NISCH: variants seen among roughly 807,000 people sequenced by gnomAD.
NISCH encodes I-1 receptor candidate protein.
In NISCH, 55 loss-of-function variants were observed where a neutral mutation model predicts 138.4. The observed-to-expected ratio is 0.40, with a 90% confidence interval of 0.32 to 0.50. The LOEUF (loss-of-function observed/expected upper bound fraction) is 0.50. Among genes scored for constraint, NISCH ranks in the 20% least tolerant of loss-of-function variants. The pLI, the probability that NISCH is intolerant of heterozygous loss-of-function variation, is 0.71. For synonymous variants in NISCH, 860 were observed against 861.5 expected, an observed-to-expected ratio of 1.00 and a Z score of 0.03; for missense variants, 1,643 against 2,005.5, an observed-to-expected ratio of 0.82 and a Z score of 3.45.
At chr3:52,471,313 T>A (rs1706938973) in intron 4 of NISCH, 1 of 285,102 alleles carries the variant, frequency 3.5e-6, no homozygotes, top group African/African-American at 2.2e-5. Flanking sequence ...TAGGGAAGGA[T>A]ACGGGGTCAG....
intron 14 of NISCH, among the ~76,000 whole-genome samples, chr3:52,485,340 TCA>T (rs1466417242): frequency 6.6e-6 from 1 of 152,182 alleles, no homozygotes; most frequent in East Asian, 1.9e-4. Context: ...CTTTCCAGGG[TCA>T]CACAGCAAGA....
At chr3:52,484,462 T>TGGGCCGC in intron 13 of NISCH, 51 bp from the exon 14 acceptor site, 7 of 788,670 alleles carry the variant, frequency 8.9e-6, no homozygotes, top group Non-Finnish European at 1.3e-5. Flanking sequence ...ACAGCCGCTC[T>TGGGCCGC]CCCCGCCCCA....
chr3:52,490,340 C>A, intron 18 of NISCH, 109 bp downstream of exon 18: 2 of 1,290,754 alleles, frequency 1.5e-6, no homozygotes, highest in South Asian at 1.3e-5. Context: ...CAGTCAGCGA[C>A]TTGGCTGCAG....
In NISCH at chr3:52,492,064, G is replaced by C. The variant is rs766728426; in HGVS notation, c.4097G>C (p.Gly1366Ala). Residue 1366 changes from glycine to alanine, a missense_variant, in exon 21 of 21, where the codon GGC (glycine) becomes GCC (alanine). Gly to Ala is a moderately conservative substitution (Grantham distance 60, BLOSUM62 0). Coordinates refer to ENST00000345716, the MANE Select transcript of NISCH (RefSeq NM_007184.4). ...VGMPPPGCCRGPLRPKTLLLT... is the reference protein window; with the variant it reads ...VGMPPPGCCRAPLRPKTLLLT... ...ATGCCACCCCCTGGGTGCTGCAGGG[G>C]CCCCCTGCGCCCCAAGACACTCCTG... 6.2e-7 allele frequency: 1 copy of C among 1,612,970 alleles called. No homozygotes were observed. Among genetic ancestry groups the C allele is most frequent in the African/African-American group, 1.3e-5 (1 of 75,054 alleles).
intron 18 of NISCH, 141 bp from the exon 19 acceptor site, chr3:52,490,564 C>T (rs1397896304): frequency 9.3e-6 from 11 of 1,188,324 alleles, no homozygotes; most frequent in Admixed American, 8.0e-5. Context: ...GCTCCGACTC[C>T]AGAGGGCATT....
chr3:52,464,483 A>G (rs1437079101), intron 3 of NISCH, among the ~76,000 whole-genome samples: 2 of 150,832 alleles, frequency 1.3e-5, no homozygotes, highest in Admixed American at 6.6e-5. Context: ...ACTTTTAGAA[A>G]CATGCAAATA....
At chr3:52,474,656 T>C (rs576791687) in intron 7 of NISCH, among the ~76,000 whole-genome samples, 2 of 152,248 alleles carry the variant, frequency 1.3e-5, no homozygotes, top group Non-Finnish European at 2.9e-5. Context: ...GATCTCGAAC[T>C]CCTGACCTCA....
In NISCH at chr3:52,481,013, C is replaced by T. The variant is rs1183870415; in HGVS notation, c.1528+718C>T. ...CACGCAGGAAAGGACGCCGCCTGCC[C>T]GGGCTCCTGGAGACGCAGAACTTGG... On this transcript the variant is annotated intron_variant, in intron 13 of 20. Coordinates refer to ENST00000345716, the MANE Select transcript of NISCH (RefSeq NM_007184.4). 1.7e-5 allele frequency: 24 copies of T among 1,395,372 alleles called. No homozygotes were observed. The African/African-American group carries it at 2.5e-4, about 14-fold the overall frequency. The allele number at this position is 1,395,372 out of a possible 1,614,324, so 86.4% of individuals were successfully genotyped here.
At chr3:52,490,681 T>G (rs1489985999) in intron 18 of NISCH, 24 bp from the exon 19 acceptor site, 2 of 1,614,046 alleles carry the variant, frequency 1.2e-6, no homozygotes, top group East Asian at 4.5e-5. Context: ...ACCGCCTCCC[T>G]CTGTCCCTTT....
rs1707245375 is a variant in NISCH at position 52,480,641 on chromosome 3, T to C, written c.1528+346T>C. ...TTCCCTCACCGGCAGCACAAGCAGG[T>C]TGGCTCCTGGTTACAGGAAGCCGGG... On this transcript the variant is annotated intron_variant, in intron 13 of 20. Transcript: ENST00000345716. The C allele has an allele frequency of 3.5e-6, 5 of 1,424,490 alleles. No homozygotes were observed. The South Asian group carries it at 6.3e-5, about 18-fold the overall frequency. 88.2% of individuals were successfully genotyped at this position (1,424,490 alleles called of 1,614,324 possible).
At chr3:52,468,502 G>T (rs1160373422) in intron 3 of NISCH, among the ~76,000 whole-genome samples, 3 of 152,118 alleles carry the variant, frequency 2.0e-5, no homozygotes, top group Admixed American at 2.0e-4. Context: ...ATCCGTGGAG[G>T]CTCTTCCTAA....
chr3:52,483,967 G>C (rs1559639220), intron 13 of NISCH, among the ~76,000 whole-genome samples: 2 of 152,262 alleles, frequency 1.3e-5, no homozygotes, highest in Admixed American at 6.5e-5. Context: ...GGCAACACTT[G>C]TCTCTTGTTT....
In NISCH at chr3:52,488,234, C is replaced by T. The variant is rs1457709504; in HGVS notation, c.2742C>T (p.Pro914=). The change falls in exon 16 of 21, where the codon CCC becomes CCT. Residue 914 remains proline, a synonymous_variant. Coordinates refer to ENST00000345716, the MANE Select transcript of NISCH (RefSeq NM_007184.4). The part of the protein sequence containing the change: ...AAIPYWLLLT[P]QHLNVIKADF... ...TCCCCTACTGGCTGTTGCTCACGCC[C>T]CAGCACCTCAACGTCATCAAGGCCG... is the stretch of plus-strand genomic sequence containing the variant. 6.2e-7 allele frequency: 1 copy of T among 1,611,758 alleles called. No homozygotes were observed. Among genetic ancestry groups the T allele is most frequent in the Admixed American group, 1.7e-5 (1 of 60,010 alleles).
Position 52,464,517 on chromosome 3 carries a change from C to CTTTTTTTT in NISCH, c.360+5691_360+5698dup, listed in dbSNP as rs71084185. On this transcript the variant is annotated intron_variant, in intron 3 of 20. Transcript: ENST00000345716. ...TACTTTTTCACATTCTGTGAGTTGT[C>CTTTTTTTT]TTTTTTTTTTTTTTTTTTTTTTTTT... 1.3e-3 allele frequency among the ~76,000 whole-genome samples: 97 copies of CTTTTTTTT among 75,810 alleles called. 4 individuals are homozygous for CTTTTTTTT. The highest frequency in any genetic ancestry group is 1.9e-3 in the East Asian group (4 of 2,084). 49.7% of individuals were successfully genotyped at this position (75,810 alleles called of 152,430 possible).
intron 13 of NISCH, among the ~76,000 whole-genome samples, chr3:52,482,939 T>C (rs1359962097): frequency 6.6e-6 from 1 of 152,122 alleles, no homozygotes; most frequent in Non-Finnish European, 1.5e-5. Context: ...GGATGAGCCA[T>C]GTGCTGGAGG....
Position 52,487,378 on chromosome 3 carries a change from A to G in NISCH, c.1886A>G (p.Glu629Gly). 1 of 1,614,026 alleles carries G rather than the reference A, an allele frequency of 6.2e-7. No homozygotes were observed. The highest frequency in any genetic ancestry group is 2.2e-5 in the East Asian group (1 of 44,872). ...PAWIEAANQR[E>G]EGQGEQGEEE... ...TGGATCGAGGCTGCCAACCAGCGGG[A>G]GGAGGGCCAGGGTGAACAGGGCGAG... Residue 629 changes from glutamate to glycine, a missense_variant, in exon 16 of 21, where the codon GAG (glutamate) becomes GGG (glycine). Coordinates refer to ENST00000345716, the MANE Select transcript of NISCH (RefSeq NM_007184.4). The surrounding 1 kb of genome is among the most constrained non-coding windows in gnomAD (Gnocchi z 9.1).
At chr3:52,458,960 G>C in intron 3 of NISCH, 116 bp downstream of exon 3, 1 of 782,280 alleles carries the variant, frequency 1.3e-6, no homozygotes, top group Non-Finnish European at 2.0e-6. Flanking sequence ...CCCTAGGTTA[G>C]AAGATGGAGG....
chr3:52,477,579 G>C lies in NISCH; in HGVS notation c.924G>C (p.Leu308=). ...GTGTTCTTTTCTTTCACAAGAAACTGATCCCAAAGATTGAGTTCCTGGACC... is the reference window on the plus strand; with the variant it reads ...GTGTTCTTTTCTTTCACAAGAAACTCATCCCAAAGATTGAGTTCCTGGACC... ...SVSEIDESVK[L]IPKIEFLDLS... is the part of the protein sequence containing the mutation. The change falls in exon 9 of 21, where the codon CTG becomes CTC. Residue 308 remains leucine (L), a synonymous_variant. Coordinates refer to ENST00000345716, the MANE Select transcript of NISCH (RefSeq NM_007184.4). 4 of 1,613,912 alleles carry C rather than the reference G, an allele frequency of 2.5e-6. No homozygotes were observed. Among genetic ancestry groups the C allele is most frequent in the Non-Finnish European group, 3.4e-6 (4 of 1,179,784 alleles).
At chr3:52,484,462 T>TGGGCGCC in intron 13 of NISCH, 51 bp from the exon 14 acceptor site, 3 of 788,668 alleles carry the variant, frequency 3.8e-6, no homozygotes, top group Non-Finnish European at 5.5e-6. Context: ...ACAGCCGCTC[T>TGGGCGCC]CCCCGCCCCA....
Sources: allele counts gnomAD v4.1 joint callset (sites outside exome capture counted in the v4.1 genomes callset), GRCh38; gene constraint gnomAD v4.1.1; non-coding constraint Gnocchi (gnomAD v3.1); transcripts MANE v1.5; gene names NCBI Gene and HGNC (gene_info 2026-07-23, HGNC 2026-07-21).